Variants in DOCK10 observed in about 807,000 individuals in gnomAD.
The protein encoded by DOCK10 is dedicator of cytokinesis 10, also known as dedicator of cytokinesis protein 10.
DOCK10 carries 145 observed loss-of-function variants against 280.1 expected under a neutral mutation model. The ratio of observed to expected loss-of-function variants is 0.52; its 90% CI spans 0.45 to 0.59. The LOEUF (loss-of-function observed/expected upper bound fraction) is 0.59, where lower values mean the gene tolerates loss of function less well. DOCK10 is among the 20% of genes least tolerant of loss of function. DOCK10 has a pLI of 0.00. For synonymous variants in DOCK10, 915 were observed against 942.2 expected, an observed-to-expected ratio of 0.97 and a Z score of 0.53; for missense variants, 2,368 against 2,651.7, an observed-to-expected ratio of 0.89 and a Z score of 2.35.
At chr2:224,927,847 G>A (rs370222664) in intron 2 of DOCK10, among the ~76,000 whole-genome samples, 3 of 152,004 alleles carry the variant, frequency 2.0e-5, no homozygotes, top group Non-Finnish European at 4.4e-5. Context: ...GCTTGGTAAC[G>A]TGGAAACATA....
At chr2:224,966,831 C>T (rs1350165635) in intron 1 of DOCK10, among the ~76,000 whole-genome samples, 1 of 151,864 alleles carries the variant, frequency 6.6e-6, no homozygotes, top group Non-Finnish European at 1.5e-5. Context: ...ATGAATAAAC[C>T]TTTCATACCA....
chr2:225,011,597 G>A lies in DOCK10; in HGVS notation c.123+30655C>T, dbSNP rs1238188424. Among the ~76,000 whole-genome samples, 5 of 152,254 alleles carry A rather than the reference G, an allele frequency of 3.3e-5. 1 individual carries two copies. The East Asian group carries it at 9.6e-4, about 29-fold the overall frequency. The stretch of plus-strand genomic sequence containing the variant: ...CAAATAATACCTTCGAAACTGAAAT[G>A]CATCTATTTAATCCTGATTTTTAAA... On this transcript the variant is annotated intron_variant, in intron 1 of 55. Coordinates refer to ENST00000258390, the MANE Select transcript of DOCK10 (RefSeq NM_014689.3).
At chr2:225,023,556 G>A (rs1689839605) in intron 1 of DOCK10, among the ~76,000 whole-genome samples, 1 of 152,106 alleles carries the variant, frequency 6.6e-6, no homozygotes, top group African/African-American at 2.4e-5. Flanking sequence ...AGTCTGACAA[G>A]TTTACTGTCA....
At chr2:224,876,601 G>C (rs1035522603) in intron 7 of DOCK10, among the ~76,000 whole-genome samples, 1 of 152,142 alleles carries the variant, frequency 6.6e-6, no homozygotes, top group Non-Finnish European at 1.5e-5. Context: ...TCGCATCCCA[G>C]AGGCAGCTCT....
intron 19 of DOCK10, among the ~76,000 whole-genome samples, chr2:224,847,618 A>G (rs559214901): frequency 6.6e-6 from 1 of 152,340 alleles, no homozygotes; most frequent in African/African-American, 2.4e-5. Flanking sequence ...GGGCTTTGTC[A>G]ACCAGTTGAC....
chr2:224,819,605 T>C, intron 28 of DOCK10, 76 bp from the exon 29 acceptor site: 1 of 927,680 alleles, frequency 1.1e-6, no homozygotes, highest in Non-Finnish European at 1.6e-6. Context: ...TATGATTAAA[T>C]ATATTGAAGT....
At chr2:224,776,447 C>T (rs973338926) in intron 51 of DOCK10, among the ~76,000 whole-genome samples, 1 of 152,110 alleles carries the variant, frequency 6.6e-6, no homozygotes, top group African/African-American at 2.4e-5. Flanking sequence ...CACGCTGCCC[C>T]AGGAACTCTG....
rs147367622 is a variant in DOCK10, at chr2:224,772,320, T to A, written c.6204+837A>T. On this transcript the variant is annotated intron_variant, in intron 53 of 55. Transcript: ENST00000258390. Reference sequence around the variant, plus strand: ...CTTTATTCCTTACAAATACTTAGCATCAATTTATTAATATAATAAATAAAA... The same window carrying A: ...CTTTATTCCTTACAAATACTTAGCAACAATTTATTAATATAATAAATAAAA... 6.8e-4 allele frequency among the ~76,000 whole-genome samples: 103 copies of A among 152,328 alleles called. 2 individuals are homozygous for A. Among genetic ancestry groups the A allele is most frequent in the African/African-American group, 2.3e-3 (96 of 41,576 alleles).
chr2:224,992,037 G>C (rs1261218908), intron 1 of DOCK10, among the ~76,000 whole-genome samples: 3 of 152,098 alleles, frequency 2.0e-5, no homozygotes, highest in Non-Finnish European at 2.9e-5. Context: ...GGGTTCAGGA[G>C]AGAGAAATCT....
At chr2:224,961,702 T>C (rs1704461557) in intron 1 of DOCK10, among the ~76,000 whole-genome samples, 1 of 151,862 alleles carries the variant, frequency 6.6e-6, no homozygotes, top group South Asian at 2.1e-4. Context: ...AGACAAGGTT[T>C]CACCATGTTG....
intron 1 of DOCK10, among the ~76,000 whole-genome samples, chr2:225,006,474 C>A (rs1355276158): frequency 6.6e-6 from 1 of 152,108 alleles, no homozygotes; most frequent in Non-Finnish European, 1.5e-5. Flanking sequence ...TGTTTTAGCC[C>A]CTGCCACTTT....
At chr2:224,849,948 C>T (rs1340619713) in intron 18 of DOCK10, among the ~76,000 whole-genome samples, 2 of 152,142 alleles carry the variant, frequency 1.3e-5, no homozygotes, top group Non-Finnish European at 2.9e-5. Context: ...GTTGAAATAG[C>T]TGCAAAAGTC....
intron 1 of DOCK10, among the ~76,000 whole-genome samples, chr2:224,952,231 C>T (rs1371225817): frequency 2.6e-5 from 4 of 152,210 alleles, no homozygotes; most frequent in South Asian, 4.1e-4. Flanking sequence ...CAGTCTACTA[C>T]GTCTTATTCT....
intron 9 of DOCK10, 132 bp downstream of exon 9, chr2:224,874,534 T>C (rs758933354): frequency 1.0e-5 from 10 of 983,316 alleles, no homozygotes; most frequent in Non-Finnish European, 1.6e-5. Context: ...TGAAAACACA[T>C]AGGTTAACGG....
At chr2:225,014,520 AATTAG>A (rs1240313259) in intron 1 of DOCK10, among the ~76,000 whole-genome samples, 6 of 152,100 alleles carry the variant, frequency 3.9e-5, no homozygotes, top group Admixed American at 2.0e-4. Context: ...TTATTGATAT[AATTAG>A]ATTAATCTCT....
chr2:224,903,228 C>T (rs1299678283), intron 3 of DOCK10, among the ~76,000 whole-genome samples: 1 of 152,240 alleles, frequency 6.6e-6, no homozygotes, highest in African/African-American at 2.4e-5. Context: ...TCAGAAATCA[C>T]AGCACGATCT....
At chr2:224,862,891 G>A (rs1366367969) in intron 13 of DOCK10, 145 bp from the exon 14 acceptor site, 4 of 447,152 alleles carry the variant, frequency 8.9e-6, no homozygotes, top group Non-Finnish European at 1.6e-5. Context: ...CTTATAAAGA[G>A]CCAAATGGTG....
chr2:224,815,106 G>A (rs1694041605), intron 30 of DOCK10, among the ~76,000 whole-genome samples: 1 of 152,154 alleles, frequency 6.6e-6, no homozygotes, highest in Non-Finnish European at 1.5e-5. Flanking sequence ...TGATCATGGG[G>A]ACAGTTTCCC....
chr2:224,890,268 G>C (rs547013826), intron 4 of DOCK10, among the ~76,000 whole-genome samples: 10 of 152,116 alleles, frequency 6.6e-5, no homozygotes, highest in Non-Finnish European at 1.5e-4. Flanking sequence ...CACAATACAG[G>C]CCAGGCGTCG....
Sources: gnomAD v4.1 joint callset for allele counts (sites outside exome capture counted in the v4.1 genomes callset) on GRCh38, gnomAD v4.1.1 for gene constraint, MANE v1.5 for transcripts, NCBI Gene and HGNC (gene_info 2026-07-23, HGNC 2026-07-21) for gene names.